The following B3GALT1 variants were observed in gnomAD, a reference collection of about 807,000 sequenced individuals.
The protein encoded by B3GALT1 is UDP-Gal:betaGlcNAc beta 1,3-galactosyltransferase, polypeptide 1.
B3GALT1 carries 10 observed loss-of-function variants against 23.2 expected under a neutral mutation model. The observed-to-expected ratio is 0.43, with a 90% CI of 0.27 to 0.73. B3GALT1 has a LOEUF of 0.73. B3GALT1 is among the 30% of genes least tolerant of loss of function. The pLI is 0.21. For missense variants in B3GALT1, 299 were observed against 405.4 expected, an observed-to-expected ratio of 0.74 and a Z score of 2.25; for synonymous variants, 156 against 141.5, an observed-to-expected ratio of 1.10 and a Z score of -0.73.
chr2:167,667,479 T>C (rs1261662221), intron 3 of B3GALT1, among the ~76,000 whole-genome samples: 1 of 152,176 alleles, frequency 6.6e-6, no homozygotes, highest in African/African-American at 2.4e-5. Flanking sequence ...CTGTATTTCC[T>C]GAATCTGAAT....
At chr2:167,665,173 G>T (rs1320580639) in intron 3 of B3GALT1, among the ~76,000 whole-genome samples, 8 of 150,638 alleles carry the variant, frequency 5.3e-5, no homozygotes, top group East Asian at 3.9e-4. Flanking sequence ...TTAGCATGAA[G>T]CGTTGTTGAA....
chr2:167,559,030 C>G (rs907832755), intron 2 of B3GALT1, among the ~76,000 whole-genome samples: 2 of 152,198 alleles, frequency 1.3e-5, no homozygotes, highest in Non-Finnish European at 2.9e-5. Context: ...GACCCATGTC[C>G]CCTGAGCAGC....
At chr2:167,623,689 CAT>C (rs1208526214) in intron 2 of B3GALT1, among the ~76,000 whole-genome samples, 1 of 152,038 alleles carries the variant, frequency 6.6e-6, no homozygotes, top group Non-Finnish European at 1.5e-5. Context: ...CACCATGGCA[CAT>C]GTGTACCTAT....
At chr2:167,565,507 G>A (rs990885751) in intron 2 of B3GALT1, among the ~76,000 whole-genome samples, 3 of 152,128 alleles carry the variant, frequency 2.0e-5, no homozygotes, top group East Asian at 3.8e-4. Context: ...ATTGACAAAT[G>A]GGATGTAATT....
At chr2:167,568,306 A>G (rs562444478) in intron 2 of B3GALT1, among the ~76,000 whole-genome samples, 36 of 152,190 alleles carry the variant, frequency 2.4e-4, no homozygotes, top group African/African-American at 8.7e-4. Context: ...TTTGGTAAGG[A>G]CCTGCCAAAC....
At chr2:167,447,739 G>A (rs578242575) in intron 1 of B3GALT1, among the ~76,000 whole-genome samples, 4 of 152,136 alleles carry the variant, frequency 2.6e-5, no homozygotes, top group Admixed American at 6.5e-5. Flanking sequence ...GAAGTGACCC[G>A]ATTTTCCAGG....
At chr2:167,440,586 G>A (rs1303705592) in intron 1 of B3GALT1, among the ~76,000 whole-genome samples, 2 of 151,720 alleles carry the variant, frequency 1.3e-5, no homozygotes, top group Admixed American at 6.6e-5. Flanking sequence ...TTTAATTTTT[G>A]TATGGCCCTG....
chr2:167,678,020 G>A (rs1442018572), intron 3 of B3GALT1, among the ~76,000 whole-genome samples: 1 of 152,102 alleles, frequency 6.6e-6, no homozygotes, highest in Non-Finnish European at 1.5e-5. Flanking sequence ...CCCAACACGT[G>A]CGGATTATAA....
intron 2 of B3GALT1, among the ~76,000 whole-genome samples, chr2:167,530,748 C>T (rs187073508): frequency 4.7e-4 from 72 of 152,270 alleles, no homozygotes; most frequent in African/African-American, 1.7e-3. Context: ...CATTCACAAC[C>T]TTGATGGGAA....
At chr2:167,440,510 TG>T (rs1392125078) in intron 1 of B3GALT1, among the ~76,000 whole-genome samples, 1 of 152,112 alleles carries the variant, frequency 6.6e-6, no homozygotes, top group African/African-American at 2.4e-5. Context: ...GATTGTACTA[TG>T]TTTTTTTGTA....
At chr2:167,499,518 G>T (rs74944190) in intron 2 of B3GALT1, among the ~76,000 whole-genome samples, 1 of 152,152 alleles carries the variant, frequency 6.6e-6, no homozygotes, top group African/African-American at 2.4e-5. Flanking sequence ...AAGAGGAAGA[G>T]AATTGAATTT....
intron 3 of B3GALT1, among the ~76,000 whole-genome samples, chr2:167,772,901 G>A (rs2105310343): frequency 6.6e-6 from 1 of 152,214 alleles, no homozygotes; most frequent in South Asian, 2.1e-4. Flanking sequence ...AATTTCCCCA[G>A]CCAAAAGTAA....
chr2:167,427,108 G>A (rs1377713240), intron 1 of B3GALT1, among the ~76,000 whole-genome samples: 1 of 152,188 alleles, frequency 6.6e-6, no homozygotes, highest in African/African-American at 2.4e-5. Flanking sequence ...CACACAATAT[G>A]ATTTAATTTA....
At chr2:167,325,729 T>C (rs1268323310) in intron 1 of B3GALT1, among the ~76,000 whole-genome samples, 1 of 78,974 alleles carries the variant, frequency 1.3e-5, no homozygotes, top group Non-Finnish European at 2.8e-5. Flanking sequence ...TTTTTTTTTC[T>C]TTTTTCGAGA....
chr2:167,680,795 A>G (rs1686516162), intron 3 of B3GALT1, among the ~76,000 whole-genome samples: 1 of 152,178 alleles, frequency 6.6e-6, no homozygotes. Flanking sequence ...ATTTCAAAGA[A>G]CTGAAACCAT....
rs560211461 is a variant in B3GALT1 at position 167,384,501 on chromosome 2, C to G, written c.-511+91167C>G. On this transcript the variant is annotated intron_variant, in intron 1 of 4. Coordinates refer to ENST00000392690, the MANE Select transcript of B3GALT1 (RefSeq NM_020981.4). The stretch of plus-strand genomic sequence containing the variant: ...TGATCCCCATCCACCCACTTCCTCA[C>G]ACATACTTCCTATATTCCCTGATTT... Among the ~76,000 whole-genome samples, 65 of 152,298 alleles carry G rather than the reference C, an allele frequency of 4.3e-4. No individual in the cohort carries two copies. The South Asian group carries it at 0.012, about 29-fold the overall frequency.
chr2:167,329,641 G>A (rs1022269226), intron 1 of B3GALT1, among the ~76,000 whole-genome samples: 3 of 152,056 alleles, frequency 2.0e-5, no homozygotes, highest in African/African-American at 7.2e-5. Context: ...AAATCTGGGC[G>A]CTGCAATTTT....
At chr2:167,383,048 C>T (rs1389278068) in intron 1 of B3GALT1, among the ~76,000 whole-genome samples, 1 of 152,086 alleles carries the variant, frequency 6.6e-6, no homozygotes, top group East Asian at 1.9e-4. Flanking sequence ...GGATGATGTA[C>T]ACCTTGAATA....
intron 1 of B3GALT1, among the ~76,000 whole-genome samples, chr2:167,414,725 A>G (rs1404102030): frequency 6.6e-6 from 1 of 152,196 alleles, no homozygotes; most frequent in Non-Finnish European, 1.5e-5. Flanking sequence ...ACTGTTGGAA[A>G]CCTTCAATCA....
Sources: allele counts gnomAD v4.1 joint callset (sites outside exome capture counted in the v4.1 genomes callset), GRCh38; gene constraint gnomAD v4.1.1; transcripts MANE v1.5; gene names NCBI Gene and HGNC (gene_info 2026-07-23, HGNC 2026-07-21).